Variants in SSU72 observed in about 807,000 individuals in gnomAD.
SSU72 encodes the protein RNA polymerase II subunit A C-terminal domain phosphatase SSU72.
In SSU72, 12 loss-of-function variants were observed where a neutral mutation model predicts 22.7. That is an observed-to-expected ratio of 0.53 (90% CI 0.34 to 0.86). The LOEUF (loss-of-function observed/expected upper bound fraction) is 0.86, where lower values mean the gene tolerates loss of function less well. Ranked by LOEUF, SSU72 falls within the 40% of genes least tolerant of loss-of-function variation. The pLI, the probability that SSU72 is intolerant of heterozygous loss-of-function variation, is 0.02. For missense variants in SSU72, 151 were observed against 249.8 expected (o/e 0.60, Z 2.67); for synonymous variants, 116 against 98.3 (o/e 1.18, Z -1.06).
intron 2 of SSU72, among the ~76,000 whole-genome samples, chr1:1,559,279 C>A (rs565170698): frequency 6.6e-6 from 1 of 152,258 alleles, no homozygotes; most frequent in African/African-American, 2.4e-5. Context: ...AACGGGCGGA[C>A]CTGTAGCACG....
chr1:1,553,018 C>CA (rs35241878), intron 2 of SSU72, among the ~76,000 whole-genome samples: 1,407 of 93,498 alleles, frequency 0.015, 16 homozygotes, highest in Non-Finnish European at 0.016. Context: ...GAGACTGTCT[C>CA]AAAAAAAAAA....
At chr1:1,544,722 C>T (rs1642370575) in intron 3 of SSU72, 141 bp downstream of exon 3, 4 of 1,219,186 alleles carry the variant, frequency 3.3e-6, no homozygotes, top group Non-Finnish European at 4.8e-6. Context: ...TGCCTGCCTT[C>T]CAGGGTGCTT....
chr1:1,566,811 G>A (rs1237247843), intron 1 of SSU72, among the ~76,000 whole-genome samples: 6 of 150,980 alleles, frequency 4.0e-5, no homozygotes, highest in African/African-American at 1.5e-4. Context: ...CTGAGATCGC[G>A]CCACTGCACT....
At chr1:1,567,027 C>T (rs1366374652) in intron 1 of SSU72, among the ~76,000 whole-genome samples, 1 of 152,166 alleles carries the variant, frequency 6.6e-6, no homozygotes, top group Non-Finnish European at 1.5e-5. Context: ...TCTAGAAACC[C>T]GCCCTACGGA....
intron 1 of SSU72, among the ~76,000 whole-genome samples, chr1:1,572,433 T>A (rs1642742813): frequency 6.8e-6 from 1 of 147,228 alleles, no homozygotes; most frequent in African/African-American, 2.5e-5. Context: ...AGAAAAAAAA[T>A]ATATATTCTA....
At position 1,554,157 on chromosome 1, in the gene SSU72, GCGGA is replaced by G. The variant is rs1642488787; in HGVS notation, c.225-9159_225-9156del. The stretch of plus-strand genomic sequence containing the variant: ...AGCAAAAAGTGAAGCTGAGCACGAG[GCGGA>G]TCCGGACCACTAAGGGGTCCCCACG... On this transcript the variant is annotated intron_variant, in intron 2 of 4. Coordinates refer to ENST00000291386, the MANE Select transcript of SSU72 (RefSeq NM_014188.3). This position sits in a 1 kb window ranked among gnomAD's most constrained non-coding sequence, Gnocchi z 4.1. Among the ~76,000 whole-genome samples, 1 of 150,880 alleles carries G rather than the reference GCGGA, an allele frequency of 6.6e-6. No individual in the cohort carries two copies. Among genetic ancestry groups the G allele is most frequent in the South Asian group, 2.1e-4 (1 of 4,816 alleles).
At position 1,574,837 on chromosome 1, in the gene SSU72, A is replaced by C. The variant is rs1028760332; in HGVS notation, c.-280T>G. The C allele has an allele frequency of 1.2e-5, 4 of 341,296 alleles. No individual in the cohort carries two copies. Among genetic ancestry groups the C allele is most frequent in the Non-Finnish European group, 1.7e-5 (3 of 175,026 alleles). 21.1% of individuals were successfully genotyped at this position (341,296 alleles called of 1,614,324 possible). On this transcript the variant is annotated 5_prime_UTR_variant, in exon 1 of 5. Coordinates refer to ENST00000291386, the MANE Select transcript of SSU72 (RefSeq NM_014188.3). ...CCCGGCGTCCGCAGCAGAGACCCGCACTCCACAAGGCCCGGCTGAGCGTCA... is the reference window on the plus strand; with the variant it reads ...CCCGGCGTCCGCAGCAGAGACCCGCCCTCCACAAGGCCCGGCTGAGCGTCA...
At chr1:1,564,477 A>AC (rs1376950553) in intron 2 of SSU72, 89 of 1,475,118 alleles carry the variant, frequency 6.0e-5, no homozygotes, top group Non-Finnish European at 7.3e-5. Flanking sequence ...TGTGGGTTCC[A>AC]CCTCCTCACC....
chr1:1,560,357 G>A (rs1257028222), intron 2 of SSU72, among the ~76,000 whole-genome samples: 1 of 151,774 alleles, frequency 6.6e-6, no homozygotes, highest in Non-Finnish European at 1.5e-5. Flanking sequence ...TGCTGCCCAG[G>A]CTGGCCTCCG....
chr1:1,552,239 C>T (rs1357551303), intron 2 of SSU72, among the ~76,000 whole-genome samples: 1 of 152,148 alleles, frequency 6.6e-6, no homozygotes, highest in African/African-American at 2.4e-5. Context: ...TTCCAGAGGC[C>T]CTGGGAAAAC....
intron 2 of SSU72, chr1:1,563,681 G>GT (rs1267328133): frequency 6.6e-6 from 1 of 152,210 alleles, no homozygotes; most frequent in Non-Finnish European, 1.5e-5. Context: ...GTGAAACCCT[G>GT]TGACTACTAA....
rs114712730 is a variant in SSU72 at position 1,554,026 on chromosome 1, G to T, written c.225-9024C>A. On this transcript the variant is annotated intron_variant, in intron 2 of 4. Coordinates refer to ENST00000291386, the MANE Select transcript of SSU72 (RefSeq NM_014188.3). The surrounding 1 kb of genome is among the most constrained non-coding windows in gnomAD (Gnocchi z 4.1). ...TGGTGAGAACTCAGCAGGTCCGGGG[G>T]ACGTCAGGTGGCCACGGAGACCACG... 7.4e-3 allele frequency among the ~76,000 whole-genome samples: 1,131 copies of T among 152,306 alleles called. 20 individuals carry two copies. Among genetic ancestry groups the T allele is most frequent in the African/African-American group, 0.025 (1,028 of 41,560 alleles).
intron 2 of SSU72, among the ~76,000 whole-genome samples, chr1:1,553,279 AC>A (rs1642476131): frequency 6.6e-6 from 1 of 152,154 alleles, no homozygotes; most frequent in East Asian, 1.9e-4. Flanking sequence ...AGCAGACAGA[AC>A]ATAAGGGACT....
intron 2 of SSU72, among the ~76,000 whole-genome samples, chr1:1,552,776 G>A (rs1049865273): frequency 6.6e-5 from 10 of 152,120 alleles, no homozygotes; most frequent in South Asian, 4.1e-4. Context: ...ATCCCTGCAC[G>A]TTGGAAGGCC....
intron 2 of SSU72, among the ~76,000 whole-genome samples, chr1:1,557,368 G>A (rs974322887): frequency 2.0e-5 from 3 of 150,226 alleles, no homozygotes; most frequent in African/African-American, 7.3e-5. Context: ...AGCCGAGATT[G>A]CACCACTGCA....
intron 2 of SSU72, chr1:1,560,797 G>C (rs1259273055): frequency 1.3e-5 from 2 of 152,162 alleles, no homozygotes; most frequent in Non-Finnish European, 2.9e-5. Context: ...GACAAACCTG[G>C]ATAACACAGC....
In SSU72 at chr1:1,564,918, T is replaced by C; in HGVS notation, c.81-2A>G. Reference sequence around the variant, plus strand: ...GATCGGACGCTGAATCCCCGTTTGCTGAAAGACAAAAGGAGAGAAAGAATC... The same window carrying C: ...GATCGGACGCTGAATCCCCGTTTGCCGAAAGACAAAAGGAGAGAAAGAATC... On this transcript the variant is annotated splice_acceptor_variant, in intron 1 of 4. Transcript: ENST00000291386. LOFTEE classifies it high-confidence loss of function. The C allele has an allele frequency of 6.3e-7, 1 of 1,592,156 alleles. No individual in the cohort carries two copies. Among genetic ancestry groups the C allele is most frequent in the South Asian group, 1.1e-5 (1 of 87,768 alleles).
At chr1:1,549,103 C>T (rs1418131671) in intron 2 of SSU72, among the ~76,000 whole-genome samples, 1 of 152,116 alleles carries the variant, frequency 6.6e-6, no homozygotes, top group East Asian at 1.9e-4. Flanking sequence ...TCTCATGCAA[C>T]AGAAAGTGTC....
intron 2 of SSU72, chr1:1,545,643 A>G (rs1328573018): frequency 2.0e-5 from 3 of 152,474 alleles, no homozygotes; most frequent in African/African-American, 7.2e-5. Context: ...CCCCGTCTCT[A>G]CTAAAAATAC....
Sources: allele counts gnomAD v4.1 joint callset (sites outside exome capture counted in the v4.1 genomes callset), GRCh38; gene constraint gnomAD v4.1.1; non-coding constraint Gnocchi (gnomAD v3.1); transcripts MANE v1.5; gene names NCBI Gene and HGNC (gene_info 2026-07-23, HGNC 2026-07-21).